The following FRMD4A variants were observed in gnomAD, a reference collection of about 807,000 sequenced individuals.
FRMD4A encodes the protein FERM domain containing 4A, also known as FERM domain-containing protein 4A.
Under a neutral mutation model 129.1 loss-of-function variants are expected in FRMD4A, and 29 were observed. That is an observed-to-expected ratio of 0.22 (90% CI 0.17 to 0.31). FRMD4A has a LOEUF of 0.31. Among genes scored for constraint, FRMD4A ranks in the 10% least tolerant of loss-of-function variants. The pLI is 1.00. For synonymous variants in FRMD4A, 634 were observed against 571.6 expected, an observed-to-expected ratio of 1.11 and a Z score of -1.56; for missense variants, 1,272 against 1,375.8, an observed-to-expected ratio of 0.92 and a Z score of 1.19.
intron 2 of FRMD4A, among the ~76,000 whole-genome samples, chr10:14,025,320 A>G (rs1832939183): frequency 6.6e-6 from 1 of 152,034 alleles, no homozygotes; most frequent in South Asian, 2.1e-4. Flanking sequence ...TAACTTAAAA[A>G]TGTTTGGAAA....
At chr10:14,328,276 T>C (rs1457946975) in intron 2 of FRMD4A, among the ~76,000 whole-genome samples, 1 of 146,662 alleles carries the variant, frequency 6.8e-6, no homozygotes, top group African/African-American at 2.6e-5. Flanking sequence ...CACTGACAAA[T>C]GGAAGGTGAA....
At chr10:14,267,485 G>T (rs1845018774) in intron 2 of FRMD4A, among the ~76,000 whole-genome samples, 1 of 152,126 alleles carries the variant, frequency 6.6e-6, no homozygotes, top group Non-Finnish European at 1.5e-5. Flanking sequence ...CTAAGCTCAG[G>T]TCTGTCCAAT....
At chr10:14,306,801 T>A (rs763845228) in intron 2 of FRMD4A, among the ~76,000 whole-genome samples, 9 of 152,198 alleles carry the variant, frequency 5.9e-5, no homozygotes, top group Non-Finnish European at 8.8e-5. Flanking sequence ...CTTGAAAAGG[T>A]AAAATGATTT....
chr10:13,742,315 A>G (rs1345148469), intron 9 of FRMD4A, among the ~76,000 whole-genome samples: 1 of 152,144 alleles, frequency 6.6e-6, no homozygotes, highest in Non-Finnish European at 1.5e-5. Flanking sequence ...ATCCCAGGGA[A>G]GCAGGTGCAG....
At chr10:13,678,150 C>T (rs925971834) in intron 15 of FRMD4A, among the ~76,000 whole-genome samples, 3 of 152,108 alleles carry the variant, frequency 2.0e-5, no homozygotes, top group Non-Finnish European at 1.5e-5. Flanking sequence ...AAATTATTAT[C>T]ATTTCCAATA....
At chr10:13,745,893 G>T (rs568900999) in intron 9 of FRMD4A, among the ~76,000 whole-genome samples, 3 of 152,188 alleles carry the variant, frequency 2.0e-5, no homozygotes, top group Admixed American at 6.5e-5. Flanking sequence ...AATTAGGGAG[G>T]TGGGTAATAG....
chr10:13,832,113 A>G (rs561388657), intron 3 of FRMD4A, among the ~76,000 whole-genome samples: 34 of 152,244 alleles, frequency 2.2e-4, no homozygotes, highest in Non-Finnish European at 4.3e-4. Context: ...ACACCAGCAG[A>G]ACCAATGAAT....
chr10:13,698,653 A>G lies in FRMD4A; in HGVS notation c.975+2687T>C, dbSNP rs548595351. Reference sequence around the variant, plus strand: ...AAGATGGCACGTATTTCCTCAAGCAATTTCACAAACGTGGTGCCATCTGAC... The same window carrying G: ...AAGATGGCACGTATTTCCTCAAGCAGTTTCACAAACGTGGTGCCATCTGAC... On this transcript the variant is annotated intron_variant, in intron 14 of 24. Transcript: ENST00000357447. Among the ~76,000 whole-genome samples the G allele has an allele frequency of 2.7e-4, 41 of 152,328 alleles. 1 individual carries two copies. The highest frequency in any genetic ancestry group is 2.2e-3 in the Admixed American group (33 of 15,304).
chr10:13,650,174 G>A (rs1342838707), intron 24 of FRMD4A, among the ~76,000 whole-genome samples: 10 of 152,218 alleles, frequency 6.6e-5, no homozygotes, highest in Non-Finnish European at 1.2e-4. Flanking sequence ...TTGGCATAGG[G>A]AGGTGGGGCT....
At chr10:13,972,390 T>G (rs1304597018) in intron 2 of FRMD4A, 1 of 878,980 alleles carries the variant, frequency 1.1e-6, no homozygotes, top group African/African-American at 1.8e-5. Context: ...GTGGGCAATT[T>G]GTAAGAAGCC....
chr10:13,987,966 C>T (rs1440683361), intron 2 of FRMD4A, among the ~76,000 whole-genome samples: 2 of 152,152 alleles, frequency 1.3e-5, no homozygotes, highest in Admixed American at 1.3e-4. Context: ...AAAAAATAAA[C>T]ACTTCAGTTT....
At chr10:14,073,118 A>G (rs1835393097) in intron 2 of FRMD4A, among the ~76,000 whole-genome samples, 1 of 152,264 alleles carries the variant, frequency 6.6e-6, no homozygotes, top group South Asian at 2.1e-4. Flanking sequence ...CCAGCTGTCC[A>G]GGAAACCCAG....
intron 2 of FRMD4A, among the ~76,000 whole-genome samples, chr10:13,862,207 G>A (rs187118352): frequency 7.8e-4 from 119 of 152,264 alleles, no homozygotes; most frequent in Non-Finnish European, 1.3e-3. Context: ...TCTGAGCTTC[G>A]TTTTATCATA....
chr10:14,237,369 C>T (rs940121391), intron 2 of FRMD4A, among the ~76,000 whole-genome samples: 2 of 152,140 alleles, frequency 1.3e-5, no homozygotes. Context: ...CACACTCTGT[C>T]GCCCAGGCTG....
At chr10:14,014,349 T>C (rs2095691530) in intron 2 of FRMD4A, among the ~76,000 whole-genome samples, 1 of 152,200 alleles carries the variant, frequency 6.6e-6, no homozygotes, top group Admixed American at 6.5e-5. Flanking sequence ...CGCCCCCCAT[T>C]AATATGTACG....
intron 2 of FRMD4A, among the ~76,000 whole-genome samples, chr10:14,188,993 C>T (rs1318634077): frequency 1.3e-5 from 2 of 152,226 alleles, no homozygotes; most frequent in African/African-American, 4.8e-5. Flanking sequence ...TGTTTGTCTT[C>T]ACTGCCTGTT....
At chr10:13,785,088 C>T (rs1239216587) in intron 5 of FRMD4A, among the ~76,000 whole-genome samples, 2 of 151,830 alleles carry the variant, frequency 1.3e-5, no homozygotes, top group Non-Finnish European at 2.9e-5. Context: ...CTGTAGGCTA[C>T]ATCAAGCCCA....
intron 2 of FRMD4A, among the ~76,000 whole-genome samples, chr10:14,113,944 C>G (rs149856960): frequency 5.3e-4 from 81 of 152,296 alleles, no homozygotes; most frequent in African/African-American, 1.9e-3. Flanking sequence ...CACCTCACCC[C>G]CAGCCCATCC....
At chr10:13,904,868 C>A (rs1210453329) in intron 2 of FRMD4A, among the ~76,000 whole-genome samples, 2 of 152,038 alleles carry the variant, frequency 1.3e-5, no homozygotes, top group Non-Finnish European at 2.9e-5. Context: ...TGGTGGATGC[C>A]TGCAATCCCA....
Sources: allele counts gnomAD v4.1 joint callset (sites outside exome capture counted in the v4.1 genomes callset), GRCh38; gene constraint gnomAD v4.1.1; transcripts MANE v1.5; gene names NCBI Gene and HGNC (gene_info 2026-07-23, HGNC 2026-07-21).